PLEKHA4: variants seen among roughly 807,000 people sequenced by gnomAD.
The protein encoded by PLEKHA4 is pleckstrin homology domain-containing family A member 4.
PLEKHA4 carries 73 observed loss-of-function variants against 94.7 expected under a neutral mutation model. The observed-to-expected ratio is 0.77, with a 90% CI of 0.64 to 0.94. PLEKHA4 has a LOEUF of 0.94. Among genes scored for constraint, PLEKHA4 ranks in the 40% least tolerant of loss-of-function variants. The probability of loss-of-function intolerance (pLI) is 0.00; values close to 1 mark genes in which losing one functional copy is unlikely to be tolerated. For synonymous variants in PLEKHA4, 449 were observed against 437.1 expected (o/e 1.03, Z -0.34); for missense variants, 1,049 against 1,054.1 (o/e 1.00, Z 0.07).
chr19:48,849,394 C>T (rs901127413), intron 13 of PLEKHA4, among the ~76,000 whole-genome samples: 13 of 151,766 alleles, frequency 8.6e-5, no homozygotes, highest in African/African-American at 2.4e-4. Context: ...CTGCAACCTC[C>T]GCCTCCCGGG....
At chr19:48,838,223 C>A in intron 18 of PLEKHA4, 94 bp from the exon 19 acceptor site, 1 of 686,204 alleles carries the variant, frequency 1.5e-6, no homozygotes, top group Admixed American at 2.5e-5. Context: ...ATGAATAAGA[C>A]CTACTATTAG....
intron 14 of PLEKHA4, among the ~76,000 whole-genome samples, chr19:48,846,149 C>T (rs2035962221): frequency 6.6e-6 from 1 of 151,174 alleles, no homozygotes; most frequent in Non-Finnish European, 1.5e-5. Context: ...ATAGCAAGAC[C>T]CCTTCCCTTA....
In PLEKHA4 at chr19:48,858,970, G is replaced by T. The variant is rs375869659; in HGVS notation, c.862C>A (p.Arg288Ser). 1.1e-5 allele frequency: 17 copies of T among 1,588,088 alleles called. No individual in the cohort carries two copies. The highest frequency in any genetic ancestry group is 3.3e-4 in the Middle Eastern group (2 of 5,978). The change falls in exon 8 of 20, where the codon CGC becomes AGC. Residue 288 changes from arginine (R) to serine (S), a missense_variant. Transcript: ENST00000263265. ...VRPPLDWGPQ[R>S]QTLSRPPTPR... ...GTAGGGGGTCGGGAGAGGGTCTGGC[G>T]TTGGGGGCCCCAATCCAGAGGAGGT...
rs761453066 is a variant in PLEKHA4, at chr19:48,859,573, T to A, written c.588A>T (p.Glu196Asp). Residue 196 changes from glutamate to aspartate, a missense_variant, in exon 7 of 20, where the codon GAA (glutamate) becomes GAT (aspartate). Transcript: ENST00000263265. ...CACGACCTCTGGAGAGTCGAGTCAC[T>A]TCCGGTGATTCTGAGATGCGCCCCT... ...GEEGRISESP[E>D]VTRLSRGRGR... 3 of 1,613,870 alleles carry A rather than the reference T, an allele frequency of 1.9e-6. No individual in the cohort carries two copies. The African/African-American group carries it at 4.0e-5, about 22-fold the overall frequency.
intron 16 of PLEKHA4, among the ~76,000 whole-genome samples, chr19:48,842,322 T>C (rs1220392987): frequency 1.3e-5 from 2 of 152,190 alleles, no homozygotes; most frequent in South Asian, 4.2e-4. Context: ...CTAATTTTTT[T>C]GTATTTTTAG....
At chr19:48,839,580 ATTATTT>A (rs745952521) in intron 17 of PLEKHA4, among the ~76,000 whole-genome samples, 1 of 151,930 alleles carries the variant, frequency 6.6e-6, no homozygotes, top group African/African-American at 2.4e-5. Flanking sequence ...TGCCTGGCTA[ATTATTT>A]TTATTTTTAT....
At chr19:48,860,318 G>T in intron 6 of PLEKHA4, 32 bp downstream of exon 6, 1 of 1,564,732 alleles carries the variant, frequency 6.4e-7, no homozygotes, top group Non-Finnish European at 8.8e-7. Context: ...TCAGGGTGGA[G>T]GGTCAGGAGC....
intron 13 of PLEKHA4, among the ~76,000 whole-genome samples, chr19:48,848,796 CAAA>C (rs34068951): frequency 3.7e-5 from 4 of 107,202 alleles, no homozygotes; most frequent in Non-Finnish European, 4.1e-5. Flanking sequence ...GACACTGTCT[CAAA>C]AAAAAAAAAA....
chr19:48,841,298 G>T lies in PLEKHA4; in HGVS notation c.1756C>A (p.Arg586=). The change falls in exon 17 of 20, where the codon CGG becomes AGG. Residue 586 remains arginine, a synonymous_variant. Transcript: ENST00000263265. Reference sequence around the variant, plus strand: ...TGCTCCTGGGCACTCATCCGGGGCCGGGCCACCGGGGCCTAGGGAGGCGAG... The same window carrying T: ...TGCTCCTGGGCACTCATCCGGGGCCTGGCCACCGGGGCCTAGGGAGGCGAG... ...PQLGTKAPVA[R]PRMSAQEQLE... is the part of the protein sequence containing the mutation. The T allele has an allele frequency of 6.2e-7, 1 of 1,609,486 alleles. No homozygotes were observed. Among genetic ancestry groups the T allele is most frequent in the South Asian group, 1.1e-5 (1 of 90,454 alleles).
At chr19:48,842,298 G>A (rs1023913472) in intron 16 of PLEKHA4, among the ~76,000 whole-genome samples, 4 of 151,860 alleles carry the variant, frequency 2.6e-5, no homozygotes, top group Admixed American at 6.6e-5. Context: ...GGTGGCACCC[G>A]CCACCACGCC....
rs966488512 is a variant in PLEKHA4, at chr19:48,857,447, C to T, written c.1022G>A (p.Gly341Glu). The change falls in exon 9 of 20, where the codon GGG becomes GAG. Residue 341 changes from glycine to glutamate, a missense_variant. Transcript: ENST00000263265. ...CAATAAAACCATGGAGGCCCGGGTC[C>T]CAGGGGGCCGCGGGGGGAGCTGGAG... is the stretch of plus-strand genomic sequence containing the variant. The part of the protein sequence containing the change: ...TYLQLPPRPP[G>E]TRASMVLLPG... The T allele has an allele frequency of 2.6e-6, 4 of 1,559,444 alleles. No homozygotes were observed. The highest frequency in any genetic ancestry group is 3.5e-6 in the Non-Finnish European group (4 of 1,158,590).
intron 13 of PLEKHA4, among the ~76,000 whole-genome samples, chr19:48,851,634 AAT>A (rs1158117486): frequency 6.7e-6 from 1 of 150,214 alleles, no homozygotes; most frequent in Non-Finnish European, 1.5e-5. Flanking sequence ...CTCAAAAAAA[AAT>A]GTTGTAAAAT....
rs570277883 is a variant in PLEKHA4 at position 48,845,233 on chromosome 19, A to G, written c.1743+137T>C. 5.6e-4 allele frequency: 451 copies of G among 809,808 alleles called. 6 individuals are homozygous for G. The South Asian group carries it at 7.5e-3, about 13-fold the overall frequency. The allele number at this position is 809,808 out of a possible 1,614,324, so 50.2% of individuals were successfully genotyped here. On this transcript the variant is annotated intron_variant, in intron 16 of 19. Transcript: ENST00000263265. Reference sequence around the variant, plus strand: ...TTAGAAGCGACAGAGACAAAAATCAATCTCAATGCTCTTAACAAGCAGTGC... The same window carrying G: ...TTAGAAGCGACAGAGACAAAAATCAGTCTCAATGCTCTTAACAAGCAGTGC...
chr19:48,867,726 G>A lies in PLEKHA4; in HGVS notation c.-6-100C>T. On this transcript the variant is annotated intron_variant, in intron 1 of 19. Transcript: ENST00000263265. The surrounding 1 kb of genome is among the most constrained non-coding windows in gnomAD (Gnocchi z 4.7). ...GGTCGGAGGAGGCTGCAGAGAAAGA[G>A]CCTGTTGTTTCGGGACTTGGGGGGC... 1 of 1,166,420 alleles carries A rather than the reference G, an allele frequency of 8.6e-7. No individual in the cohort carries two copies. Among genetic ancestry groups the A allele is most frequent in the Non-Finnish European group, 1.2e-6 (1 of 817,208 alleles). 72.3% of individuals were successfully genotyped at this position (1,166,420 alleles called of 1,614,324 possible). A position where few individuals can be genotyped will look rare whatever the true frequency, so the allele number is the denominator to read the frequency against.
chr19:48,854,401 C>G (rs2036324850), intron 9 of PLEKHA4, 137 bp from the exon 10 acceptor site: 1 of 773,606 alleles, frequency 1.3e-6, no homozygotes, highest in Admixed American at 2.6e-5. Context: ...TAGGGTCTTG[C>G]TCTGTCACCC....
At chr19:48,844,213 G>A (rs905149451) in intron 16 of PLEKHA4, among the ~76,000 whole-genome samples, 1 of 150,512 alleles carries the variant, frequency 6.6e-6, no homozygotes, top group African/African-American at 2.4e-5. Flanking sequence ...GGAGTGCAAC[G>A]GTGCAATCTT....
rs929181485 is a variant in PLEKHA4 at position 48,859,797 on chromosome 19, TA to T, written c.477-114del. 7 of 925,828 alleles carry T rather than the reference TA, an allele frequency of 7.6e-6. No individual in the cohort carries two copies. The African/African-American group carries it at 1.2e-4, about 16-fold the overall frequency. The allele number at this position is 925,828 out of a possible 1,614,324, so 57.4% of individuals were successfully genotyped here. A position where few individuals can be genotyped will look rare whatever the true frequency, so the allele number is the denominator to read the frequency against. On this transcript the variant is annotated intron_variant, in intron 6 of 19. Transcript: ENST00000263265. The stretch of plus-strand genomic sequence containing the variant: ...CCCAAAAAAGGAAAGTTGTGCACTA[TA>T]AATCATCGTCCCCCTTCTTCAGAAG...
At chr19:48,861,124 G>A (rs1018372825) in intron 5 of PLEKHA4, among the ~76,000 whole-genome samples, 7 of 151,764 alleles carry the variant, frequency 4.6e-5, no homozygotes, top group Admixed American at 3.3e-4. Flanking sequence ...AGGAGAATCC[G>A]TTGAACCCAG....
In PLEKHA4 at chr19:48,858,726, A is replaced by C. The variant is rs866031752; in HGVS notation, c.972+134T>G. ...ACCTGATAGGTTCAAGCTCTCTCTC[A>C]CCTGAGCCCAGCTGAGATCATTATG... On this transcript the variant is annotated intron_variant, in intron 8 of 19. Coordinates refer to ENST00000263265, the MANE Select transcript of PLEKHA4 (RefSeq NM_020904.3). The C allele has an allele frequency of 3.9e-5, 40 of 1,021,104 alleles. No individual in the cohort carries two copies. In the African/African-American group the frequency reaches 6.2e-4, roughly 16 times the overall value. 63.3% of individuals were successfully genotyped at this position (1,021,104 alleles called of 1,614,324 possible). A position where few individuals can be genotyped will look rare whatever the true frequency, so the allele number is the denominator to read the frequency against.
Sources: allele counts gnomAD v4.1 joint callset (sites outside exome capture counted in the v4.1 genomes callset), GRCh38; gene constraint gnomAD v4.1.1; non-coding constraint Gnocchi (gnomAD v3.1); transcripts MANE v1.5; gene names NCBI Gene and HGNC (gene_info 2026-07-23, HGNC 2026-07-21).